The following RESF1 variants were observed in gnomAD, a reference collection of about 807,000 sequenced individuals.
RESF1 encodes the protein gonad expressed transcript.
In RESF1, 65 loss-of-function variants were observed where a neutral mutation model predicts 134.7. The observed-to-expected ratio is 0.48, with a 90% CI of 0.40 to 0.59. The LOEUF is 0.59. Among genes scored for constraint, RESF1 ranks in the 20% least tolerant of loss-of-function variants. The probability of loss-of-function intolerance (pLI) is 0.00; values close to 1 mark genes in which losing one functional copy is unlikely to be tolerated. For synonymous variants in RESF1, 762 were observed against 702.2 expected (o/e 1.09, Z -1.35); for missense variants, 2,274 against 2,002.7 (o/e 1.14, Z -2.59).
rs773331894 is a variant in RESF1, at chr12:31,983,302, G to A, written c.2347G>A (p.Val783Met). 6.2e-7 allele frequency: 1 copy of A among 1,614,054 alleles called. No individual in the cohort carries two copies. The highest frequency in any genetic ancestry group is 8.5e-7 in the Non-Finnish European group (1 of 1,179,986). The change falls in exon 4 of 6, where the codon GTG becomes ATG. Residue 783 changes from valine to methionine, a missense_variant. Transcript: ENST00000312561. ...TLSVKGITPA[V>M]LPETVYPVIK... ...GTCTGTCAAAGGAATAACACCTGCA[G>A]TGTTACCTGAAACAGTGTATCCCGT...
chr12:31,969,427 C>T (rs933620297), intron 2 of RESF1, among the ~76,000 whole-genome samples: 10 of 152,114 alleles, frequency 6.6e-5, no homozygotes, highest in African/African-American at 1.9e-4. Flanking sequence ...TTGCTTGAGC[C>T]CAGGAGGTGG....
chr12:31,959,617 C>G (rs1369092970), intron 1 of RESF1, 126 bp downstream of exon 1: 1 of 151,874 alleles, frequency 6.6e-6, no homozygotes, highest in Non-Finnish European at 1.5e-5. Context: ...CGCTTTTGTT[C>G]TGCGGCAAAG....
Position 31,984,701 on chromosome 12 carries a change from C to T in RESF1, c.3746C>T (p.Pro1249Leu). The change falls in exon 4 of 6, where the codon CCT (proline) becomes CTT (leucine). Residue 1249 changes from proline (P) to leucine (L), a missense_variant. Pro to Leu is a moderately conservative substitution (Grantham distance 98). Transcript: ENST00000312561. ...KTPPDGKSHF[P>L]ELQDDSRKDT... ...CCTCCAGATGGGAAAAGTCATTTTC[C>T]TGAACTACAAGACGACAGTAGAAAA... 1 of 1,594,252 alleles carries T rather than the reference C, an allele frequency of 6.3e-7. No homozygotes were observed. Among genetic ancestry groups the T allele is most frequent in the Non-Finnish European group, 8.5e-7 (1 of 1,175,288 alleles).
In RESF1 at chr12:31,982,600, A is replaced by G; in HGVS notation, c.1645A>G (p.Thr549Ala). The G allele has an allele frequency of 6.2e-7, 1 of 1,613,998 alleles. No individual in the cohort carries two copies. Among genetic ancestry groups the G allele is most frequent in the Non-Finnish European group, 8.5e-7 (1 of 1,180,018 alleles). The change falls in exon 4 of 6, where the codon ACC (threonine) becomes GCC (alanine). Residue 549 changes from threonine (T) to alanine (A), a missense_variant. Transcript: ENST00000312561. Reference sequence around the variant, plus strand: ...TACTCAGCTTTCATCAGAAAATGTTACCAAAGTTGAGCAAAATTCACCAGC... The same window carrying G: ...TACTCAGCTTTCATCAGAAAATGTTGCCAAAGTTGAGCAAAATTCACCAGC... ...LNTQLSSENV[T>A]KVEQNSPAVC...
chr12:31,980,952 G>A lies in RESF1; in HGVS notation c.-4G>A, dbSNP rs376588832. The A allele has an allele frequency of 1.0e-4, 166 of 1,590,728 alleles. No individual in the cohort carries two copies. Among genetic ancestry groups the A allele is most frequent in the Non-Finnish European group, 1.3e-4 (147 of 1,168,944 alleles). On this transcript the variant is annotated 5_prime_UTR_variant, in exon 4 of 6. Transcript: ENST00000312561. ...TAATACACTGCTACTATATCAAACC[G>A]ACAATGAATTGGAATGAAAAACCAA...
At position 31,983,974 on chromosome 12, in the gene RESF1, G is replaced by A; in HGVS notation, c.3019G>A (p.Ala1007Thr). Reference protein sequence around the residue: ...SLEHATEKSTANDTCSSAAIQ... With the variant: ...SLEHATEKSTTNDTCSSAAIQ... ...GGAGCATGCCACTGAAAAAAGCACA[G>A]CTAACGATACGTGCTCGTCAGCTGC... The change falls in exon 4 of 6, where the codon GCT (alanine) becomes ACT (threonine). Residue 1007 changes from alanine to threonine, a missense_variant. By Grantham distance (58) the Ala-to-Thr change is moderately conservative. Coordinates refer to ENST00000312561, the MANE Select transcript of RESF1 (RefSeq NM_018169.4). 1 of 1,613,658 alleles carries A rather than the reference G, an allele frequency of 6.2e-7. No individual in the cohort carries two copies. The highest frequency in any genetic ancestry group is 8.5e-7 in the Non-Finnish European group (1 of 1,179,884).
chr12:31,988,758 T>C (rs1940030955), intron 5 of RESF1, among the ~76,000 whole-genome samples: 1 of 152,112 alleles, frequency 6.6e-6, no homozygotes, highest in South Asian at 2.1e-4. Flanking sequence ...TGGCACGATC[T>C]CGGCCTTGCT....
intron 3 of RESF1, among the ~76,000 whole-genome samples, chr12:31,980,623 GA>G (rs1172580175): frequency 1.3e-5 from 2 of 152,186 alleles, no homozygotes; most frequent in Admixed American, 1.3e-4. Flanking sequence ...AGTAAAAACA[GA>G]AGGTGATTGG....
intron 2 of RESF1, among the ~76,000 whole-genome samples, chr12:31,961,546 G>T (rs557813563): frequency 6.6e-6 from 1 of 152,212 alleles, no homozygotes; most frequent in East Asian, 1.9e-4. Flanking sequence ...GTTAGCTATT[G>T]TCATGTTAGA....
At chr12:31,972,212 ACG>A (rs1939524684) in intron 3 of RESF1, among the ~76,000 whole-genome samples, 2 of 152,160 alleles carry the variant, frequency 1.3e-5, no homozygotes, top group Non-Finnish European at 2.9e-5. Context: ...CTGCTCTAAC[ACG>A]ACAAACCAAA....
chr12:31,991,677 A>G (rs894562536), intron 5 of RESF1, among the ~76,000 whole-genome samples: 1 of 152,144 alleles, frequency 6.6e-6, no homozygotes, highest in Non-Finnish European at 1.5e-5. Context: ...GCTGGAGTGC[A>G]GTCGTGTGAT....
chr12:31,969,181 T>C (rs1362891585), intron 2 of RESF1, among the ~76,000 whole-genome samples: 1 of 152,212 alleles, frequency 6.6e-6, no homozygotes, highest in Non-Finnish European at 1.5e-5. Flanking sequence ...TTTGAACTGC[T>C]GGACTCTGCC....
At chr12:31,989,162 C>T (rs61931397) in intron 5 of RESF1, among the ~76,000 whole-genome samples, 4 of 150,696 alleles carry the variant, frequency 2.7e-5, no homozygotes, top group African/African-American at 4.9e-5. Flanking sequence ...TTTGGGAGGC[C>T]GAGGCAGGCG....
Position 31,959,736 on chromosome 12 carries a change from C to G in RESF1, c.-342+245C>G, listed in dbSNP as rs1210403576. Reference sequence around the variant, plus strand: ...GGGCCGCCGCGCTTGCTTCTGCCCGCCGCACCGGGGCCGGCCCTGGGCCTC... The same window carrying G: ...GGGCCGCCGCGCTTGCTTCTGCCCGGCGCACCGGGGCCGGCCCTGGGCCTC... On this transcript the variant is annotated intron_variant, in intron 1 of 5. Transcript: ENST00000312561. 2.6e-5 allele frequency: 4 copies of G among 151,544 alleles called. 1 individual carries two copies. The South Asian group carries it at 6.2e-4, about 24-fold the overall frequency. The allele number at this position is 151,544 out of a possible 1,614,324, so 9.4% of individuals were successfully genotyped here. A position where few individuals can be genotyped will look rare whatever the true frequency, so the allele number is the denominator to read the frequency against.
Position 31,992,574 on chromosome 12 carries a change from C to G in RESF1, c.*39C>G, listed in dbSNP as rs771305776. The G allele has an allele frequency of 1.3e-6, 2 of 1,579,140 alleles. No homozygotes were observed. Among genetic ancestry groups the G allele is most frequent in the Admixed American group, 1.8e-5 (1 of 57,042 alleles). On this transcript the variant is annotated 3_prime_UTR_variant, in exon 6 of 6. Coordinates refer to ENST00000312561, the MANE Select transcript of RESF1 (RefSeq NM_018169.4). ...TTTTGTAATTGCCACTGGGAAATTT[C>G]TTTCCTTTTCTGTTCAAAATATTTC...
chr12:31,983,125 A>G lies in RESF1; in HGVS notation c.2170A>G (p.Asn724Asp), dbSNP rs781010856. ...TCCTTGTTCAGTTGTGGGAAATTCA[A>G]ATTCTCAGAATAAAATAAGTAATCC... ...KSPCSVVGNS[N>D]SQNKISNPSQ... The change falls in exon 4 of 6, where the codon AAT (asparagine) becomes GAT (aspartate). Residue 724 changes from asparagine (N) to aspartate (D), a missense_variant. Coordinates refer to ENST00000312561, the MANE Select transcript of RESF1 (RefSeq NM_018169.4). 5 of 1,610,738 alleles carry G rather than the reference A, an allele frequency of 3.1e-6. No individual in the cohort carries two copies. The highest frequency in any genetic ancestry group is 4.2e-6 in the Non-Finnish European group (5 of 1,178,864).
intron 3 of RESF1, among the ~76,000 whole-genome samples, chr12:31,979,432 C>CTA (rs963166937): frequency 7.9e-5 from 12 of 152,218 alleles, no homozygotes; most frequent in African/African-American, 2.9e-4. Flanking sequence ...GACCAACTGG[C>CTA]TATAAAGCAA....
chr12:31,988,399 T>C (rs569187020), intron 5 of RESF1, among the ~76,000 whole-genome samples: 2 of 152,390 alleles, frequency 1.3e-5, no homozygotes, highest in East Asian at 3.9e-4. Flanking sequence ...AACAACTGTT[T>C]ACATAGCATT....
In RESF1 at chr12:31,973,546, G is replaced by A. The variant is rs1592254555; in HGVS notation, c.-79+3190G>A. ...GTAATCCCTATGTTGTTCAAGGGTC[G>A]ATTGTATTTTCCTTTCACAGTCTAT... On this transcript the variant is annotated intron_variant, in intron 3 of 5. Transcript: ENST00000312561. Among the ~76,000 whole-genome samples, 3 of 152,184 alleles carry A rather than the reference G, an allele frequency of 2.0e-5. 1 individual carries two copies. The Middle Eastern group carries it at 0.01, about 518-fold the overall frequency.
Sources: gnomAD v4.1 joint callset for allele counts (sites outside exome capture counted in the v4.1 genomes callset) on GRCh38, gnomAD v4.1.1 for gene constraint, MANE v1.5 for transcripts, NCBI Gene and HGNC (gene_info 2026-07-23, HGNC 2026-07-21) for gene names.